The following MED15 variants were observed in gnomAD, a reference collection of about 807,000 sequenced individuals.
MED15 encodes the protein mediator of RNA polymerase II transcription subunit 15.
Under a neutral mutation model 118.7 loss-of-function variants are expected in MED15, and 41 were observed. The ratio of observed to expected loss-of-function variants is 0.35; its 90% CI spans 0.27 to 0.45. The LOEUF is 0.45. Among genes scored for constraint, MED15 ranks in the 20% least tolerant of loss-of-function variants. The pLI is 1.00. For missense variants in MED15, 740 were observed against 1,025.5 expected, an observed-to-expected ratio of 0.72 and a Z score of 3.80; for synonymous variants, 436 against 413.9, an observed-to-expected ratio of 1.05 and a Z score of -0.65.
chr22:20,530,420 CCT>C (rs2054810204), intron 1 of MED15, among the ~76,000 whole-genome samples: 1 of 152,184 alleles, frequency 6.6e-6, no homozygotes, highest in South Asian at 2.1e-4. Context: ...ATCCTGCCCC[CCT>C]GAGGTCAGGA....
intron 8 of MED15, chr22:20,574,461 G>GC (rs1158955459): frequency 2.6e-5 from 4 of 152,406 alleles, no homozygotes; most frequent in African/African-American, 9.6e-5. Flanking sequence ...CCTCGTCAGG[G>GC]CGGAGGCCTG....
chr22:20,559,990 A>G (rs2056170471), intron 5 of MED15, among the ~76,000 whole-genome samples: 1 of 152,144 alleles, frequency 6.6e-6, no homozygotes, highest in African/African-American at 2.4e-5. Context: ...ATTCCACCAC[A>G]GGGGATATTT....
chr22:20,524,798 TTTTAGTAGAGACGGGA>T lies in MED15; in HGVS notation c.69-12299_69-12284del, dbSNP rs376515851. On this transcript the variant is annotated intron_variant, in intron 1 of 17. Transcript: ENST00000263205. Reference sequence around the variant, plus strand: ...CACCATGCCCAGCTAACTTTTGTAATTTTAGTAGAGACGGGATTTAGTAGAGACGGGATTTCGAACT... The same window carrying T: ...CACCATGCCCAGCTAACTTTTGTAATTTTAGTAGAGACGGGATTTCGAACT... Among the ~76,000 whole-genome samples, 1,041 of 152,198 alleles carry T rather than the reference TTTTAGTAGAGACGGGA, an allele frequency of 6.8e-3. 3 individuals are homozygous for T. Among genetic ancestry groups the T allele is most frequent in the Non-Finnish European group, 0.01 (692 of 68,018 alleles).
chr22:20,568,729 T>C, intron 8 of MED15, 98 bp downstream of exon 8: 1 of 1,520,488 alleles, frequency 6.6e-7, no homozygotes, highest in Non-Finnish European at 8.8e-7. Context: ...GATTAGGGGC[T>C]GGGGGCTAAG....
intron 2 of MED15, among the ~76,000 whole-genome samples, chr22:20,538,054 G>T (rs1248090225): frequency 2.6e-5 from 4 of 152,176 alleles, no homozygotes. Context: ...TTACATTTCA[G>T]TGGTCTTTAG....
intron 1 of MED15, among the ~76,000 whole-genome samples, chr22:20,516,622 G>A (rs1367093441): frequency 1.3e-5 from 2 of 151,242 alleles, no homozygotes; most frequent in African/African-American, 4.9e-5. Flanking sequence ...TGATGCTGTG[G>A]CTGTGGCCAG....
At position 20,507,719 on chromosome 22, in the gene MED15, C is replaced by T. The variant is rs1230350490; in HGVS notation, c.41C>T (p.Ala14Val). Residue 14 changes from alanine (A) to valine (V), a missense_variant, in exon 1 of 18, where the codon GCC becomes GTC. By Grantham distance (64) the Ala-to-Val change is moderately conservative. Transcript: ENST00000263205. ...CAAGAGACCGACTGGCGGAGCACCG[C>T]CTTCCGGCAGAAGCTGGTCAGTCAA... ...SGQETDWRSTAFRQKLVSQIE... is the reference protein window; with the variant it reads ...SGQETDWRSTVFRQKLVSQIE... 6.2e-7 allele frequency: 1 copy of T among 1,614,068 alleles called. No individual in the cohort carries two copies. Among genetic ancestry groups the T allele is most frequent in the East Asian group, 2.2e-5 (1 of 44,878 alleles).
chr22:20,507,874 G>A, intron 1 of MED15, 128 bp downstream of exon 1: 1 of 1,506,248 alleles, frequency 6.6e-7, no homozygotes, highest in Admixed American at 2.3e-5. Flanking sequence ...GACTTGCGTG[G>A]GTCCCAGGGC....
intron 2 of MED15, chr22:20,551,065 C>G (rs2055753765): frequency 2.0e-6 from 1 of 503,332 alleles, no homozygotes; most frequent in South Asian, 1.6e-5. Flanking sequence ...ACGGCTGCCT[C>G]TGACAGGCCT....
At chr22:20,568,425 C>T in intron 7 of MED15, 96 bp from the exon 8 acceptor site, 1 of 1,524,240 alleles carries the variant, frequency 6.6e-7, no homozygotes, top group Non-Finnish European at 8.8e-7. Context: ...TTCCTCACCT[C>T]AAGAAAGGCT....
At chr22:20,527,303 T>G (rs1367879667) in intron 1 of MED15, among the ~76,000 whole-genome samples, 1 of 152,170 alleles carries the variant, frequency 6.6e-6, no homozygotes. Context: ...CAATTTTTTC[T>G]TTGACCTTTC....
chr22:20,584,711 C>A, intron 14 of MED15, 144 bp from the exon 15 acceptor site: 1 of 1,083,470 alleles, frequency 9.2e-7, no homozygotes, highest in Non-Finnish European at 1.3e-6. Flanking sequence ...CCAGGATCAG[C>A]CAACATTGTC....
At chr22:20,575,313 A>G in intron 9 of MED15, 81 bp downstream of exon 9, 1 of 1,508,592 alleles carries the variant, frequency 6.6e-7, no homozygotes, top group Non-Finnish European at 8.9e-7. Flanking sequence ...ACCTGTCATT[A>G]TCATCGCCGG....
At chr22:20,507,889 G>C in intron 1 of MED15, 143 bp downstream of exon 1, 1 of 1,483,626 alleles carries the variant, frequency 6.7e-7, no homozygotes. Flanking sequence ...CAGGGCTCGG[G>C]CCCCCCCGTC....
chr22:20,564,770 A>G lies in MED15; in HGVS notation c.690+82A>G. ...TGGCATCAGCCACAATGCTGGGTGC[A>G]GTGCCCGGAGCCAGCCGAGGGTTCT... On this transcript the variant is annotated intron_variant, in intron 6 of 17. Coordinates refer to ENST00000263205, the MANE Select transcript of MED15 (RefSeq NM_001003891.3). 6.9e-6 allele frequency: 11 copies of G among 1,589,710 alleles called. No individual in the cohort carries two copies. The South Asian group carries it at 1.3e-4, about 18-fold the overall frequency.
At chr22:20,577,196 T>C (rs957143786) in intron 9 of MED15, among the ~76,000 whole-genome samples, 2 of 152,184 alleles carry the variant, frequency 1.3e-5, no homozygotes, top group African/African-American at 4.8e-5. Context: ...AGGATTCTTC[T>C]GGAAACTCCT....
rs757623393 is a variant in MED15, at chr22:20,582,695, C to A, written c.1357C>A (p.Gln453Lys). 11 of 1,597,466 alleles carry A rather than the reference C, an allele frequency of 6.9e-6. No individual in the cohort carries two copies. Among genetic ancestry groups the A allele is most frequent in the East Asian group, 2.2e-5 (1 of 44,812 alleles). The change falls in exon 10 of 18, where the codon CAG becomes AAG. Residue 453 changes from glutamine to lysine, a missense_variant. Physicochemically the swap from Gln to Lys is moderately conservative, Grantham distance 53 (BLOSUM62 1). Transcript: ENST00000263205. ...QTPQSMPPPPQPSPQPGQPSS... is the reference protein window; with the variant it reads ...QTPQSMPPPPKPSPQPGQPSS... Reference sequence around the variant, plus strand: ...CCCGCAGTCGATGCCCCCTCCCCCCCAGCCGTCCCCGCAGCCCGGCCAGCC... The same window carrying A: ...CCCGCAGTCGATGCCCCCTCCCCCCAAGCCGTCCCCGCAGCCCGGCCAGCC...
intron 2 of MED15, among the ~76,000 whole-genome samples, chr22:20,544,473 G>A (rs2055443432): frequency 6.6e-6 from 1 of 152,116 alleles, no homozygotes. Context: ...CAACCATCCT[G>A]GCTAACATGG....
chr22:20,572,746 C>G lies in MED15; in HGVS notation c.1153-2367C>G, dbSNP rs114384280. ...CTATCCTGGGCAACACAGCGAGACC[C>G]TGTCTCTACAAAAAAATAAAAATAA... On this transcript the variant is annotated intron_variant, in intron 8 of 17. Transcript: ENST00000263205. Among the ~76,000 whole-genome samples, 692 of 152,266 alleles carry G rather than the reference C, an allele frequency of 4.5e-3. 5 individuals carry two copies. The highest frequency in any genetic ancestry group is 0.015 in the African/African-American group (636 of 41,538).
Sources: gnomAD v4.1 joint callset for allele counts (sites outside exome capture counted in the v4.1 genomes callset) on GRCh38, gnomAD v4.1.1 for gene constraint, MANE v1.5 for transcripts, NCBI Gene and HGNC (gene_info 2026-07-23, HGNC 2026-07-21) for gene names.